Variants in NEDD9 observed in about 807,000 individuals in gnomAD.
The protein encoded by NEDD9 is neural precursor cell expressed, developmentally down-regulated 9, also known as enhancer of filamentation 1.
NEDD9 carries 26 observed loss-of-function variants against 76.6 expected under a neutral mutation model. The ratio of observed to expected loss-of-function variants is 0.34; its 90% confidence interval spans 0.25 to 0.47. The LOEUF is 0.47. NEDD9 is among the 20% of genes least tolerant of loss of function. The probability of loss-of-function intolerance (pLI) is 1.00; values close to 1 mark genes in which losing one functional copy is unlikely to be tolerated. For synonymous variants in NEDD9, 392 were observed against 414.2 expected (o/e 0.95, Z 0.65); for missense variants, 937 against 1,058.5 (o/e 0.89, Z 1.59).
At chr6:11,238,791 A>G (rs6457160) in intron 3 of NEDD9, among the ~76,000 whole-genome samples, 80,572 of 152,028 alleles carry the variant, frequency 0.53, 21,492 homozygotes, top group East Asian at 0.66. Flanking sequence ...AAACAATTAG[A>G]AATGCTTAGG....
At chr6:11,330,398 G>A (rs1762010850) in intron 2 of NEDD9, among the ~76,000 whole-genome samples, 1 of 152,198 alleles carries the variant, frequency 6.6e-6, no homozygotes, top group Non-Finnish European at 1.5e-5. Context: ...GGAACAGAGA[G>A]CACTAAGAGG....
At chr6:11,322,372 A>G (rs921328944) in intron 2 of NEDD9, among the ~76,000 whole-genome samples, 3 of 152,132 alleles carry the variant, frequency 2.0e-5, no homozygotes, top group Admixed American at 6.5e-5. Context: ...AGTCAGGTTC[A>G]CTGATGGGAG....
At chr6:11,351,163 G>T (rs910562481) in intron 1 of NEDD9, among the ~76,000 whole-genome samples, 6 of 152,130 alleles carry the variant, frequency 3.9e-5, no homozygotes, top group African/African-American at 1.4e-4. Context: ...CGAGGGACAT[G>T]AGCCAGAAAG....
chr6:11,210,964 T>C (rs564065598), intron 2 of NEDD9, among the ~76,000 whole-genome samples: 16 of 152,256 alleles, frequency 1.1e-4, no homozygotes, highest in Non-Finnish European at 1.9e-4. Context: ...GGCCACCCTC[T>C]TGCCCTCCCC....
intron 2 of NEDD9, among the ~76,000 whole-genome samples, chr6:11,330,906 A>G (rs1762023769): frequency 6.6e-6 from 1 of 152,194 alleles, no homozygotes; most frequent in Non-Finnish European, 1.5e-5. Context: ...GGGTCTGAGT[A>G]TTAGGGCTGT....
At chr6:11,223,463 C>G (rs1300394629) in intron 1 of NEDD9, among the ~76,000 whole-genome samples, 1 of 148,348 alleles carries the variant, frequency 6.7e-6, no homozygotes, top group Non-Finnish European at 1.5e-5. Flanking sequence ...TACTCCTCCC[C>G]TTGGAAAAAA....
chr6:11,187,421 G>T (rs1221316225), intron 6 of NEDD9, among the ~76,000 whole-genome samples: 2 of 152,170 alleles, frequency 1.3e-5, no homozygotes, highest in Non-Finnish European at 2.9e-5. Context: ...GTCCTCAGTA[G>T]ATAGGCCTGG....
intron 3 of NEDD9, among the ~76,000 whole-genome samples, chr6:11,238,435 C>G (rs995099205): frequency 6.6e-6 from 1 of 152,206 alleles, no homozygotes; most frequent in Non-Finnish European, 1.5e-5. Flanking sequence ...TCAATAAGGT[C>G]GAGTCTCCAC....
intron 2 of NEDD9, among the ~76,000 whole-genome samples, chr6:11,209,859 G>A: frequency 6.6e-6 from 1 of 151,934 alleles, no homozygotes; most frequent in South Asian, 2.1e-4. Context: ...TCTAAATGCT[G>A]ATTTAATATG....
chr6:11,286,158 C>T (rs1760645046), intron 3 of NEDD9, among the ~76,000 whole-genome samples: 1 of 151,980 alleles, frequency 6.6e-6, no homozygotes, highest in African/African-American at 2.4e-5. Context: ...AGAAAACAAA[C>T]CAAATAGAAA....
intron 2 of NEDD9, among the ~76,000 whole-genome samples, chr6:11,204,198 G>A (rs1758534415): frequency 6.6e-6 from 1 of 152,230 alleles, no homozygotes. Flanking sequence ...AGCTGGGCCA[G>A]CAGTGCAGCG....
chr6:11,240,395 C>T (rs1037788337), intron 3 of NEDD9, among the ~76,000 whole-genome samples: 8 of 152,176 alleles, frequency 5.3e-5, no homozygotes, highest in African/African-American at 1.4e-4. Context: ...TTCCTTCCAT[C>T]TCTTTGAGGT....
At chr6:11,371,562 A>G (rs1166955786) in intron 1 of NEDD9, among the ~76,000 whole-genome samples, 1 of 152,226 alleles carries the variant, frequency 6.6e-6, no homozygotes, top group East Asian at 1.9e-4. Flanking sequence ...ACTTAGCAAC[A>G]TATTTAGCTA....
chr6:11,245,415 C>G (rs143519506), intron 3 of NEDD9, among the ~76,000 whole-genome samples: 1 of 152,316 alleles, frequency 6.6e-6, no homozygotes, highest in Admixed American at 6.5e-5. Context: ...ACCTGTAGAT[C>G]TGTATAAATA....
intron 2 of NEDD9, among the ~76,000 whole-genome samples, chr6:11,325,109 A>C (rs111252308): frequency 1.3e-5 from 2 of 152,122 alleles, no homozygotes; most frequent in Non-Finnish European, 2.9e-5. Context: ...TAATCCCAGC[A>C]CTTTGGGAGG....
intron 1 of NEDD9, among the ~76,000 whole-genome samples, chr6:11,344,507 T>C (rs1477413663): frequency 6.6e-6 from 1 of 152,234 alleles, no homozygotes. Flanking sequence ...TTATTTCAGG[T>C]AAGCAGTTGA....
intron 6 of NEDD9, 47 bp downstream of exon 6, chr6:11,188,171 G>T: frequency 1.4e-6 from 2 of 1,385,004 alleles, no homozygotes; most frequent in South Asian, 1.2e-5. Flanking sequence ...AGTGCTAGGT[G>T]GGAAATCTTT....
chr6:11,290,567 C>T (rs567584242), intron 3 of NEDD9, among the ~76,000 whole-genome samples: 4 of 152,158 alleles, frequency 2.6e-5, no homozygotes, highest in South Asian at 2.1e-4. Context: ...CCTGGAACTG[C>T]GGGTTTTGCA....
chr6:11,286,281 C>T (rs756103123), intron 3 of NEDD9, among the ~76,000 whole-genome samples: 1 of 152,110 alleles, frequency 6.6e-6, no homozygotes, highest in Non-Finnish European at 1.5e-5. Context: ...CAAATTAAAG[C>T]CACTAGAAGG....
Sources: allele counts gnomAD v4.1 joint callset (sites outside exome capture counted in the v4.1 genomes callset), GRCh38; gene constraint gnomAD v4.1.1; transcripts MANE v1.5; gene names NCBI Gene and HGNC (gene_info 2026-07-23, HGNC 2026-07-21).